FHIT: variants seen among roughly 807,000 people sequenced by gnomAD.
The protein encoded by FHIT is fragile histidine triad diadenosine triphosphatase, also known as bis(5'-adenosyl)-triphosphatase.
In FHIT, 19 loss-of-function variants were observed where a neutral mutation model predicts 17.9. The ratio of observed to expected loss-of-function variants is 1.06; its 90% confidence interval spans 0.74 to 1.56. The LOEUF (loss-of-function observed/expected upper bound fraction) is 1.56. FHIT is among the 40% of genes most tolerant of loss of function. The pLI is 0.00. For missense variants in FHIT, 248 were observed against 189.2 expected, an observed-to-expected ratio of 1.31 and a Z score of -1.82; for synonymous variants, 81 against 69.7, an observed-to-expected ratio of 1.16 and a Z score of -0.81.
intron 5 of FHIT, among the ~76,000 whole-genome samples, chr3:60,361,277 C>A (rs963566454): frequency 6.6e-6 from 1 of 152,002 alleles, no homozygotes; most frequent in Admixed American, 6.6e-5. Context: ...ATAGGTTGAA[C>A]GAGACAAAAT....
At chr3:60,973,537 G>A (rs1299317392) in intron 3 of FHIT, among the ~76,000 whole-genome samples, 2 of 152,014 alleles carry the variant, frequency 1.3e-5, no homozygotes, top group African/African-American at 4.8e-5. Context: ...TCCTTTGTTG[G>A]TAGCCCTGAA....
chr3:60,069,024 TA>T (rs1702642115), intron 5 of FHIT, among the ~76,000 whole-genome samples: 1 of 152,166 alleles, frequency 6.6e-6, no homozygotes, highest in African/African-American at 2.4e-5. Context: ...AGTAAACTTG[TA>T]ATTGCTATCC....
In FHIT at chr3:60,433,994, T is replaced by C. The variant is rs74319501; in HGVS notation, c.103+102866A>G. Reference sequence around the variant, plus strand: ...TCCAAGAAATTATTGCCTAGACAAATGTTAAGGAGATTTCCCCATTTCCTT... The same window carrying C: ...TCCAAGAAATTATTGCCTAGACAAACGTTAAGGAGATTTCCCCATTTCCTT... On this transcript the variant is annotated intron_variant, in intron 5 of 9. Transcript: ENST00000492590. Among the ~76,000 whole-genome samples the C allele has an allele frequency of 1.2e-3, 186 of 152,218 alleles. 1 individual carries two copies. In the East Asian group the frequency reaches 0.035, roughly 28 times the overall value.
At chr3:60,747,787 G>A (rs1487838336) in intron 4 of FHIT, among the ~76,000 whole-genome samples, 1 of 152,134 alleles carries the variant, frequency 6.6e-6, no homozygotes, top group Non-Finnish European at 1.5e-5. Context: ...ATTAACAAAT[G>A]TGGAACCCAA....
At chr3:60,926,018 T>A (rs1208286812) in intron 3 of FHIT, among the ~76,000 whole-genome samples, 2 of 152,198 alleles carry the variant, frequency 1.3e-5, no homozygotes, top group Non-Finnish European at 2.9e-5. Flanking sequence ...ACCCTAAATA[T>A]ATATGCACCC....
At chr3:60,218,833 T>C (rs529461020) in intron 5 of FHIT, among the ~76,000 whole-genome samples, 6 of 152,032 alleles carry the variant, frequency 3.9e-5, no homozygotes, top group Non-Finnish European at 8.8e-5. Context: ...GAATCCAGGG[T>C]CTGAGCTCTT....
At chr3:60,122,141 G>C (rs1276813889) in intron 5 of FHIT, among the ~76,000 whole-genome samples, 1 of 151,650 alleles carries the variant, frequency 6.6e-6, no homozygotes, top group Non-Finnish European at 1.5e-5. Flanking sequence ...TAATAAAAGA[G>C]ACGTTAGAAA....
chr3:59,950,876 A>G (rs187197552), intron 7 of FHIT, among the ~76,000 whole-genome samples: 88 of 152,324 alleles, frequency 5.8e-4, no homozygotes, highest in African/African-American at 2.1e-3. Flanking sequence ...AAATGAGACA[A>G]TTTGACAAGA....
At chr3:61,208,526 A>C (rs1678243156) in intron 1 of FHIT, among the ~76,000 whole-genome samples, 1 of 152,110 alleles carries the variant, frequency 6.6e-6, no homozygotes, top group African/African-American at 2.4e-5. Context: ...TATTTAGGAT[A>C]GTTAGCTCTT....
intron 8 of FHIT, among the ~76,000 whole-genome samples, chr3:59,766,705 A>T (rs1177497358): frequency 6.6e-6 from 1 of 152,236 alleles, no homozygotes; most frequent in African/African-American, 2.4e-5. Flanking sequence ...TCCCACACCA[A>T]GAAGGCTGTT....
chr3:60,274,777 T>C (rs1313237338), intron 5 of FHIT, among the ~76,000 whole-genome samples: 3 of 152,310 alleles, frequency 2.0e-5, no homozygotes, highest in African/African-American at 7.2e-5. Flanking sequence ...ATGGCCTTAG[T>C]AGCCAGACAG....
At chr3:59,882,860 G>T (rs1202895006) in intron 8 of FHIT, among the ~76,000 whole-genome samples, 1 of 152,176 alleles carries the variant, frequency 6.6e-6, no homozygotes, top group Non-Finnish European at 1.5e-5. Flanking sequence ...GCCTAAAGCT[G>T]ATCTACAGTT....
At chr3:59,983,827 G>T (rs1391609708) in intron 7 of FHIT, among the ~76,000 whole-genome samples, 1 of 152,044 alleles carries the variant, frequency 6.6e-6, no homozygotes, top group Admixed American at 6.6e-5. Flanking sequence ...ACCTGATTTG[G>T]TCAAGTCTCC....
chr3:60,715,700 A>T (rs990483363), intron 4 of FHIT, among the ~76,000 whole-genome samples: 5 of 151,974 alleles, frequency 3.3e-5, no homozygotes, highest in Non-Finnish European at 7.4e-5. Flanking sequence ...GCAGCACACC[A>T]GCATGGCACA....
In FHIT at chr3:59,861,982, A is replaced by G. The variant is rs1020297250; in HGVS notation, c.348+60364T>C. Among the ~76,000 whole-genome samples, 17 of 151,736 alleles carry G rather than the reference A, an allele frequency of 1.1e-4. No individual in the cohort carries two copies. In the East Asian group the frequency reaches 3.3e-3, roughly 29 times the overall value. On this transcript the variant is annotated intron_variant, in intron 8 of 9. Transcript: ENST00000492590. The stretch of plus-strand genomic sequence containing the variant: ...ACTAGTTGGATGATGAATATAAACA[A>G]AAAATGCCAAATTATCACAAGATGC...
intron 5 of FHIT, among the ~76,000 whole-genome samples, chr3:60,462,346 C>T (rs746800430): frequency 6.6e-5 from 10 of 151,944 alleles, no homozygotes; most frequent in Non-Finnish European, 1.0e-4. Context: ...GCTAAGTGGC[C>T]AAGTTTGGTT....
chr3:60,322,344 T>C (rs2106810288), intron 5 of FHIT, among the ~76,000 whole-genome samples: 1 of 152,334 alleles, frequency 6.6e-6, no homozygotes, highest in East Asian at 1.9e-4. Flanking sequence ...TCATCACATG[T>C]GACATCCCAT....
At chr3:60,032,862 T>A (rs562456151) in intron 5 of FHIT, among the ~76,000 whole-genome samples, 1 of 152,204 alleles carries the variant, frequency 6.6e-6, no homozygotes, top group African/African-American at 2.4e-5. Context: ...TTTACTTAAG[T>A]GTATAATCAG....
chr3:60,102,201 G>C (rs992247931), intron 5 of FHIT, among the ~76,000 whole-genome samples: 1 of 152,186 alleles, frequency 6.6e-6, no homozygotes, highest in African/African-American at 2.4e-5. Flanking sequence ...ATAACTTCCT[G>C]AGAACTAACA....
Sources: gnomAD v4.1 joint callset for allele counts (sites outside exome capture counted in the v4.1 genomes callset) on GRCh38, gnomAD v4.1.1 for gene constraint, MANE v1.5 for transcripts, NCBI Gene and HGNC (gene_info 2026-07-23, HGNC 2026-07-21) for gene names.